Variants in ZNF557 observed in about 807,000 individuals in gnomAD.
ZNF557 encodes CTB-25J19.9.
In ZNF557, 19 loss-of-function variants were observed where a neutral mutation model predicts 21.2. That is an observed-to-expected ratio of 0.90 (90% CI 0.63 to 1.32). ZNF557 has a LOEUF of 1.32. Ranked by LOEUF, ZNF557 falls within the 40% of genes most tolerant of loss-of-function variation. The pLI, the probability that ZNF557 is intolerant of heterozygous loss-of-function variation, is 0.00. For synonymous variants in ZNF557, 207 were observed against 194.8 expected, an observed-to-expected ratio of 1.06 and a Z score of -0.52; for missense variants, 487 against 519.8, an observed-to-expected ratio of 0.94 and a Z score of 0.61.
Position 7,085,469 on chromosome 19 carries a change from T to G in ZNF557, c.*1725T>G, listed in dbSNP as rs768489. 0.43 allele frequency: 65,803 copies of G among 152,030 alleles called. 14,462 individuals are homozygous for G. The highest frequency in any genetic ancestry group is 0.54 in the East Asian group (2,776 of 5,166). The allele number at this position is 152,030 out of a possible 1,614,324, so 9.4% of individuals were successfully genotyped here. A position where few individuals can be genotyped will look rare whatever the true frequency, so the allele number is the denominator to read the frequency against. ...ACGAGCTACCACTCTCAGCCAGAAC[T>G]TCTTAAGATAAAGGATGAGGGAATG... On this transcript the variant is annotated 3_prime_UTR_variant, in exon 8 of 8. Transcript: ENST00000252840.
intron 5 of ZNF557, among the ~76,000 whole-genome samples, chr19:7,079,435 G>GGGT (rs1555729906): frequency 6.6e-6 from 1 of 151,248 alleles, no homozygotes; most frequent in East Asian, 2.0e-4. Flanking sequence ...TAGAGACAGG[G>GGGT]TTCACCGTGT....
chr19:7,072,483 G>A (rs938310631), intron 2 of ZNF557, among the ~76,000 whole-genome samples: 1 of 152,128 alleles, frequency 6.6e-6, no homozygotes, highest in African/African-American at 2.4e-5. Context: ...AGCCTTTGCT[G>A]GCTCTCCACT....
rs2303796 is a variant in ZNF557, at chr19:7,076,407, C to T, written c.147C>T (p.Ala49=). The change falls in exon 5 of 8, where the codon GCC becomes GCT. Residue 49 remains alanine (A), a synonymous_variant. Transcript: ENST00000252840. ...LKGLVTFEDV[A]VEFTQEEWAL... Reference sequence around the variant, plus strand: ...GCTTGGTGACCTTTGAGGATGTGGCCGTGGAGTTCACCCAGGAGGAGTGGG... The same window carrying T: ...GCTTGGTGACCTTTGAGGATGTGGCTGTGGAGTTCACCCAGGAGGAGTGGG... 37 of 1,613,974 alleles carry T rather than the reference C, an allele frequency of 2.3e-5. No individual in the cohort carries two copies. The highest frequency in any genetic ancestry group is 1.2e-4 in the South Asian group (11 of 91,092).
chr19:7,081,929 C>T (rs1478563655), intron 6 of ZNF557, 41 bp from the exon 7 acceptor site: 16 of 1,530,458 alleles, frequency 1.0e-5, no homozygotes, highest in Non-Finnish European at 1.4e-5. Context: ...TAAAATTTGC[C>T]TCTTTTCTAT....
rs201136508 is a variant in ZNF557 at position 7,082,023 on chromosome 19, C to T, written c.397C>T (p.Arg133Ter). Residue 133 changes from arginine (R) to a stop codon, truncating the protein, a stop_gained, in exon 7 of 8, where the codon CGA becomes TGA. Coordinates refer to ENST00000252840, the MANE Select transcript of ZNF557 (RefSeq NM_024341.3). LOFTEE classifies it low-confidence loss of function (END_TRUNC). ...KGLTPKLHVF[R>*]KEQSRNMKME... is the part of the protein sequence containing the mutation. Reference sequence around the variant, plus strand: ...GTTAACTCCTAAGCTGCATGTTTTTCGAAAAGAACAATCTAGAAATATGAA... The same window carrying T: ...GTTAACTCCTAAGCTGCATGTTTTTTGAAAAGAACAATCTAGAAATATGAA... 7.3e-5 allele frequency: 118 copies of T among 1,613,698 alleles called. No individual in the cohort carries two copies. Among genetic ancestry groups the T allele is most frequent in the East Asian group, 4.2e-4 (19 of 44,864 alleles).
chr19:7,083,159 C>G lies in ZNF557; in HGVS notation c.708C>G (p.Tyr236Ter). Reference protein sequence around the residue: ...HKRIHNGEKPYECSDCGKTFS... With the variant: ...HKRIHNGEKP ...GAATCCACAATGGGGAGAAACCCTA[C>G]GAATGCAGTGACTGTGGGAAAACCT... The change falls in exon 8 of 8, where the codon TAC becomes TAG. Residue 236 changes from tyrosine to a stop codon, truncating the protein, a stop_gained. Transcript: ENST00000252840. LOFTEE classifies it low-confidence loss of function (END_TRUNC). 4 of 1,614,116 alleles carry G rather than the reference C, an allele frequency of 2.5e-6. No homozygotes were observed. Among genetic ancestry groups the G allele is most frequent in the Non-Finnish European group, 1.7e-6 (2 of 1,180,010 alleles).
Position 7,086,224 on chromosome 19 carries a change from C to G in ZNF557, c.*2480C>G, listed in dbSNP as rs1325963721. ...CCAGCCTGGGCAAAAGAGTGCAACT[C>G]TGTCTCAAAAAAAAAAAAATCAGAC... is the stretch of plus-strand genomic sequence containing the variant. On this transcript the variant is annotated 3_prime_UTR_variant, in exon 8 of 8. Coordinates refer to ENST00000252840, the MANE Select transcript of ZNF557 (RefSeq NM_024341.3). The G allele has an allele frequency of 2.0e-5, 1 of 50,304 alleles. No individual in the cohort carries two copies. Among genetic ancestry groups the G allele is most frequent in the African/African-American group, 9.9e-5 (1 of 10,068 alleles). The allele number at this position is 50,304 out of a possible 1,614,324, so 3.1% of individuals were successfully genotyped here.
chr19:7,082,100 C>A, intron 7 of ZNF557, 48 bp downstream of exon 7: 2 of 1,472,672 alleles, frequency 1.4e-6, no homozygotes, highest in East Asian at 2.3e-5. Flanking sequence ...GTAGAATGCC[C>A]TACATGAGAA....
At chr19:7,081,528 A>G in intron 6 of ZNF557, 73 bp downstream of exon 6, 1 of 997,810 alleles carries the variant, frequency 1.0e-6, no homozygotes. Flanking sequence ...GGAGTATTAT[A>G]ATACATTAGG....
intron 2 of ZNF557, among the ~76,000 whole-genome samples, chr19:7,074,718 A>G (rs1306320366): frequency 7.1e-6 from 1 of 141,486 alleles, no homozygotes; most frequent in African/African-American, 2.6e-5. Context: ...GTCAAGGCAG[A>G]TCACAGGCTG....
intron 7 of ZNF557, among the ~76,000 whole-genome samples, 181 bp from the exon 8 acceptor site, chr19:7,082,697 A>G (rs984071361): frequency 1.3e-5 from 2 of 152,234 alleles, no homozygotes; most frequent in Non-Finnish European, 2.9e-5. Flanking sequence ...GAAAGAATCC[A>G]TCTTCTTTAA....
At chr19:7,080,686 C>T (rs1977681930) in intron 5 of ZNF557, among the ~76,000 whole-genome samples, 1 of 152,226 alleles carries the variant, frequency 6.6e-6, no homozygotes, top group African/African-American at 2.4e-5. Flanking sequence ...ATAGAGTGTG[C>T]AGCTAGAGTC....
chr19:7,076,434 A>G lies in ZNF557; in HGVS notation c.174A>G (p.Ala58=). The change falls in exon 5 of 8, where the codon GCA becomes GCG. Residue 58 remains alanine, a synonymous_variant. Coordinates refer to ENST00000252840, the MANE Select transcript of ZNF557 (RefSeq NM_024341.3). ...VAVEFTQEEW[A]LLDPAQRTLY... is the part of the protein sequence containing the mutation. ...TGGAGTTCACCCAGGAGGAGTGGGC[A>G]TTGCTGGACCCTGCCCAAAGGACAC... is the stretch of plus-strand genomic sequence containing the variant. 1 of 1,614,176 alleles carries G rather than the reference A, an allele frequency of 6.2e-7. No homozygotes were observed. The highest frequency in any genetic ancestry group is 1.7e-5 in the Admixed American group (1 of 60,010).
chr19:7,083,687 C>T lies in ZNF557; in HGVS notation c.1236C>T (p.Ser412=), dbSNP rs1205565195. The T allele has an allele frequency of 2.5e-6, 4 of 1,613,908 alleles. No homozygotes were observed. Among genetic ancestry groups the T allele is most frequent in the Non-Finnish European group, 3.4e-6 (4 of 1,179,926 alleles). ...ATGAATGTAATTATTGCGGGAAATC[C>T]TTCACAAGTAACTCCTACCTTTCTG... ...KPYECNYCGK[S]FTSNSYLSVH... is the part of the protein sequence containing the mutation. Residue 412 remains serine, a synonymous_variant, in exon 8 of 8, where the codon TCC becomes TCT. Transcript: ENST00000252840.
At chr19:7,080,076 C>T (rs1036183430) in intron 5 of ZNF557, among the ~76,000 whole-genome samples, 3 of 151,912 alleles carry the variant, frequency 2.0e-5, no homozygotes, top group African/African-American at 4.8e-5. Context: ...CTGAGGTGGG[C>T]GGATCACCTG....
chr19:7,076,319 T>C (rs1977586597), intron 4 of ZNF557, 62 bp from the exon 5 acceptor site: 11 of 1,613,908 alleles, frequency 6.8e-6, no homozygotes, highest in African/African-American at 1.3e-5. Context: ...TCCTGGCCCC[T>C]CTTCCTGTGC....
At chr19:7,070,240 C>T (rs530014212) in intron 1 of ZNF557, among the ~76,000 whole-genome samples, 2 of 152,264 alleles carry the variant, frequency 1.3e-5, no homozygotes, top group East Asian at 3.9e-4. Context: ...TCAGCCGAGT[C>T]CACTTATAAG....
chr19:7,075,518 G>C, intron 3 of ZNF557, 137 bp from the exon 4 acceptor site: 5 of 818,394 alleles, frequency 6.1e-6, no homozygotes, highest in Non-Finnish European at 9.6e-6. Context: ...TGTTTGCTTG[G>C]AGTAGAGGTG....
At chr19:7,081,866 C>T (rs1260661433) in intron 6 of ZNF557, 104 bp from the exon 7 acceptor site, 1 of 837,188 alleles carries the variant, frequency 1.2e-6, no homozygotes, top group Non-Finnish European at 2.0e-6. Context: ...AAACCCTCAC[C>T]TCTCAGATTC....
Sources: gnomAD v4.1 joint callset for allele counts (sites outside exome capture counted in the v4.1 genomes callset) on GRCh38, gnomAD v4.1.1 for gene constraint, MANE v1.5 for transcripts, NCBI Gene and HGNC (gene_info 2026-07-23, HGNC 2026-07-21) for gene names.